The following MIA2 variants were observed in gnomAD, a reference collection of about 807,000 sequenced individuals.
MIA2 encodes melanoma inhibitory activity protein 2.
A neutral mutation model predicts 167.8 loss-of-function variants in MIA2; 127 were observed. The observed-to-expected ratio is 0.76, with a 90% CI of 0.66 to 0.88. The LOEUF (loss-of-function observed/expected upper bound fraction) is 0.88, where lower values mean the gene tolerates loss of function less well. Ranked by LOEUF, MIA2 falls within the 40% of genes least tolerant of loss-of-function variation. MIA2 has a pLI of 0.00. For missense variants in MIA2, 1,690 were observed against 1,624.7 expected (o/e 1.04, Z -0.69); for synonymous variants, 552 against 541.9 (o/e 1.02, Z -0.26).
downstream of MIA2, among the ~76,000 whole-genome samples, chr14:39,354,975 A>G (rs1428452164): frequency 6.6e-6 from 1 of 152,066 alleles, no homozygotes; most frequent in Non-Finnish European, 1.5e-5. Context: ...CTTGTAGTAT[A>G]GTTTGAAGTC....
At position 39,350,253 on chromosome 14, in the gene MIA2, C is replaced by G. The variant is rs530382045; in HGVS notation, c.4228C>G (p.Gln1410Glu). Reference sequence around the variant, plus strand: ...TGCTACTGAACATCCAGAACCACAGCAAGAAACCTGACAATATTTTTGCTC... The same window carrying G: ...TGCTACTGAACATCCAGAACCACAGGAAGAAACCTGACAATATTTTTGCTC... ...EPATEHPEPQ[Q>E]ET The change falls in exon 29 of 29, where the codon CAA becomes GAA. Residue 1410 changes from glutamine (Q) to glutamate (E), a missense_variant. Gln to Glu is a conservative substitution (Grantham distance 29). Coordinates refer to ENST00000640607, the MANE Select transcript of MIA2 (RefSeq NM_001329214.4). 11 of 1,465,632 alleles carry G rather than the reference C, an allele frequency of 7.5e-6. No homozygotes were observed. In the South Asian group the frequency reaches 1.6e-4, roughly 21 times the overall value. 90.8% of individuals were successfully genotyped at this position (1,465,632 alleles called of 1,614,324 possible).
At chr14:39,305,516 C>T (rs925400986) in intron 17 of MIA2, among the ~76,000 whole-genome samples, 1 of 152,146 alleles carries the variant, frequency 6.6e-6, no homozygotes, top group African/African-American at 2.4e-5. Flanking sequence ...TTTAATGGAT[C>T]ATGAAAGATA....
chr14:39,361,646 G>A (rs372049998), intron 23 of MIA2, among the ~76,000 whole-genome samples: 283 of 152,216 alleles, frequency 1.9e-3, no homozygotes, highest in African/African-American at 6.5e-3. Context: ...CACCATGTTA[G>A]TCAGGCTGAT....
At position 39,347,772 on chromosome 14, in the gene MIA2, G is replaced by T. The variant is rs1308360673; in HGVS notation, c.3837+1G>T. 1 of 1,567,596 alleles carries T rather than the reference G, an allele frequency of 6.4e-7. No homozygotes were observed. Among genetic ancestry groups the T allele is most frequent in the South Asian group, 1.1e-5 (1 of 90,276 alleles). Reference sequence around the variant, plus strand: ...AAATGATACCAAAGATGATCTTGGTGTAAGTATTGAAAGAGTGGAATTGTA... The same window carrying T: ...AAATGATACCAAAGATGATCTTGGTTTAAGTATTGAAAGAGTGGAATTGTA... On this transcript the variant is annotated splice_donor_variant, in intron 27 of 28. Coordinates refer to ENST00000640607, the MANE Select transcript of MIA2 (RefSeq NM_001329214.4). LOFTEE classifies it high-confidence loss of function.
chr14:39,266,732 G>A lies in MIA2; in HGVS notation c.1888-10202G>A, dbSNP rs1000409037. On this transcript the variant is annotated intron_variant, in intron 6 of 28. Coordinates refer to ENST00000640607, the MANE Select transcript of MIA2 (RefSeq NM_001329214.4). ...TCTCGGGGCTGCCGGGGTCTCCCGG[G>A]GTACGCCGCCGTCAGGACTTCTGCA... is the stretch of plus-strand genomic sequence containing the variant. 42 of 985,406 alleles carry A rather than the reference G, an allele frequency of 4.3e-5. 1 individual carries two copies. The Admixed American group carries it at 8.6e-4, about 20-fold the overall frequency. The allele number at this position is 985,406 out of a possible 1,614,324, so 61.0% of individuals were successfully genotyped here. A position where few individuals can be genotyped will look rare whatever the true frequency, so the allele number is the denominator to read the frequency against.
At chr14:39,350,018 G>T (rs143069192) in intron 28 of MIA2, 80 bp from the exon 29 acceptor site, 1 of 565,376 alleles carries the variant, frequency 1.8e-6, no homozygotes, top group Non-Finnish European at 3.2e-6. Context: ...GGTAATGGAA[G>T]TTATAAACTT....
chr14:39,314,898 T>G, intron 20 of MIA2, 99 bp downstream of exon 20: 1 of 941,184 alleles, frequency 1.1e-6, no homozygotes, highest in South Asian at 3.3e-5. Flanking sequence ...TATAATTACT[T>G]GACCAGTTGT....
intron 6 of MIA2, among the ~76,000 whole-genome samples, chr14:39,263,927 G>A (rs1489911709): frequency 2.0e-5 from 3 of 151,966 alleles, no homozygotes; most frequent in South Asian, 2.1e-4. Flanking sequence ...AGCCAACCAC[G>A]CCCAGCCCTT....
chr14:39,250,400 C>T (rs370588531), intron 4 of MIA2, among the ~76,000 whole-genome samples: 1 of 151,748 alleles, frequency 6.6e-6, no homozygotes, highest in Non-Finnish European at 1.5e-5. Context: ...CACTTTTTCT[C>T]TAAAGAAAAT....
Position 39,294,967 on chromosome 14 carries a change from C to T in MIA2, c.2434C>T (p.Leu812=). ...GATATTTCAAATGAATGAAGAACGA[C>T]TGAAGATAGCAATAAAAGATGCTTT... ...FKIFQMNEER[L]KIAIKDALNE... Residue 812 remains leucine (L), a synonymous_variant, in exon 13 of 29, where the codon CTG becomes TTG. Coordinates refer to ENST00000640607, the MANE Select transcript of MIA2 (RefSeq NM_001329214.4). The T allele has an allele frequency of 6.2e-7, 1 of 1,613,740 alleles. No individual in the cohort carries two copies. The highest frequency in any genetic ancestry group is 8.5e-7 in the Non-Finnish European group (1 of 1,179,876).
chr14:39,238,058 A>G (rs961742683), intron 2 of MIA2, among the ~76,000 whole-genome samples: 2 of 151,554 alleles, frequency 1.3e-5, no homozygotes, highest in Admixed American at 6.6e-5. Flanking sequence ...AGTTTTAAAG[A>G]GACTGCAAAG....
At chr14:39,333,341 G>A (rs188673204) in intron 25 of MIA2, among the ~76,000 whole-genome samples, 3 of 152,178 alleles carry the variant, frequency 2.0e-5, no homozygotes, top group African/African-American at 7.2e-5. Context: ...TTTCCCTTCT[G>A]TGGTGGGGAA....
chr14:39,373,102 CATATT>C (rs1466299292), intron 23 of MIA2, among the ~76,000 whole-genome samples: 1 of 152,116 alleles, frequency 6.6e-6, no homozygotes, highest in African/African-American at 2.4e-5. Context: ...ACTACATGAA[CATATT>C]AAATTAGCAC....
Position 39,341,623 on chromosome 14 carries a change from C to G in MIA2, c.3656-4281C>G, listed in dbSNP as rs562636020. 1.7e-4 allele frequency among the ~76,000 whole-genome samples: 26 copies of G among 152,198 alleles called. No individual in the cohort carries two copies. The South Asian group carries it at 5.4e-3, about 32-fold the overall frequency. On this transcript the variant is annotated intron_variant, in intron 25 of 28. Coordinates refer to ENST00000640607, the MANE Select transcript of MIA2 (RefSeq NM_001329214.4). Reference sequence around the variant, plus strand: ...AATTTTCTTGTTGTGGCAAGATCATCAGCTGAAGCAGGTGGTAGAGGAGAG... The same window carrying G: ...AATTTTCTTGTTGTGGCAAGATCATGAGCTGAAGCAGGTGGTAGAGGAGAG...
exon 24 of MIA2, chr14:39,386,981 G>A: frequency 1.3e-6 from 1 of 767,126 alleles, no homozygotes; most frequent in Non-Finnish European, 2.3e-6. Context: ...TGAGACTAAC[G>A]AGATCTGTGA....
chr14:39,330,259 G>A (rs1254581346), intron 25 of MIA2, among the ~76,000 whole-genome samples: 1 of 152,156 alleles, frequency 6.6e-6, no homozygotes, highest in Non-Finnish European at 1.5e-5. Context: ...TTCACATGGA[G>A]TTCTTTATAG....
intron 23 of MIA2, chr14:39,386,770 G>C: frequency 7.6e-7 from 1 of 1,310,418 alleles, no homozygotes; most frequent in Non-Finnish European, 1.1e-6. Flanking sequence ...TGAAATGCCC[G>C]CTTCTTTGCT....
intron 6 of MIA2, chr14:39,267,558 G>C (rs752551102): frequency 1.2e-6 from 2 of 1,607,842 alleles, no homozygotes; most frequent in Non-Finnish European, 1.7e-6. Flanking sequence ...CGTGGCCCAG[G>C]GGTCGCGGGA....
chr14:39,347,852 A>G, intron 27 of MIA2, 81 bp downstream of exon 27: 1 of 1,272,264 alleles, frequency 7.9e-7, no homozygotes, highest in Non-Finnish European at 1.0e-6. Context: ...ATGGAGTTTC[A>G]CTATTGTTGC....
Sources: allele counts gnomAD v4.1 joint callset (sites outside exome capture counted in the v4.1 genomes callset), GRCh38; gene constraint gnomAD v4.1.1; transcripts MANE v1.5; gene names NCBI Gene and HGNC (gene_info 2026-07-23, HGNC 2026-07-21).